DSCAM: variants seen among roughly 807,000 people sequenced by gnomAD.
DSCAM encodes the protein DS cell adhesion molecule, also known as cell adhesion molecule DSCAM.
In DSCAM, 47 loss-of-function variants were observed where a neutral mutation model predicts 217.7. The ratio of observed to expected loss-of-function variants is 0.22; its 90% CI spans 0.17 to 0.28. The LOEUF is 0.28. Ranked by LOEUF, DSCAM falls within the 10% of genes least tolerant of loss-of-function variation. DSCAM has a pLI of 1.00. For synonymous variants in DSCAM, 1,056 were observed against 1,015.3 expected (o/e 1.04, Z -0.76); for missense variants, 2,080 against 2,618.3 (o/e 0.79, Z 4.49).
intron 1 of DSCAM, among the ~76,000 whole-genome samples, chr21:40,822,318 CAAAAAAAAA>C (rs61569827): frequency 4.7e-4 from 27 of 57,848 alleles, no homozygotes; most frequent in South Asian, 1.1e-3. Flanking sequence ...GATCTTTTCT[CAAAAAAAAA>C]AAAAAAAAAA....
intron 3 of DSCAM, among the ~76,000 whole-genome samples, chr21:40,560,140 C>T (rs544427655): frequency 2.6e-5 from 4 of 152,262 alleles, no homozygotes; most frequent in South Asian, 2.1e-4. Flanking sequence ...TTCTCACCCA[C>T]GATTGCTCTT....
chr21:40,596,885 C>T (rs1018359), intron 3 of DSCAM, among the ~76,000 whole-genome samples: 56,313 of 151,786 alleles, frequency 0.37, 10,652 homozygotes, highest in East Asian at 0.55. Context: ...TATATATATG[C>T]TCATGTTCCT....
At chr21:40,076,453 G>T (rs1429660178) in intron 26 of DSCAM, among the ~76,000 whole-genome samples, 1 of 152,202 alleles carries the variant, frequency 6.6e-6, no homozygotes, top group Non-Finnish European at 1.5e-5. Context: ...TCTTCAGGCA[G>T]ATGTGACAAT....
intron 3 of DSCAM, among the ~76,000 whole-genome samples, chr21:40,606,286 G>A (rs2089237376): frequency 6.6e-6 from 1 of 152,146 alleles, no homozygotes; most frequent in African/African-American, 2.4e-5. Context: ...AGGGGGTGAT[G>A]GGGACATTGA....
rs1314733242 is a variant in DSCAM at position 40,653,977 on chromosome 21, C to T, written c.508+38833G>A. ...AGGCATTGTGGCGGGCACCTGTAAT[C>T]CCAGCTACTCGGGAGGCTAAGGGAG... On this transcript the variant is annotated intron_variant, in intron 3 of 32. Coordinates refer to ENST00000400454, the MANE Select transcript of DSCAM (RefSeq NM_001389.5). 2.6e-5 allele frequency among the ~76,000 whole-genome samples: 4 copies of T among 151,836 alleles called. No homozygotes were observed. The East Asian group carries it at 7.8e-4, about 29-fold the overall frequency.
intron 3 of DSCAM, among the ~76,000 whole-genome samples, chr21:40,418,850 A>G (rs1291375175): frequency 2.0e-5 from 3 of 152,250 alleles, no homozygotes; most frequent in Admixed American, 6.5e-5. Flanking sequence ...ACAAAAATTT[A>G]GAGAAAAAAA....
chr21:40,709,552 A>G (rs1053612177), intron 1 of DSCAM, among the ~76,000 whole-genome samples: 2 of 151,520 alleles, frequency 1.3e-5, no homozygotes, highest in Non-Finnish European at 2.9e-5. Flanking sequence ...ACGTGTTCTC[A>G]TTGTTCAACT....
intron 15 of DSCAM, among the ~76,000 whole-genome samples, chr21:40,175,807 ACG>A (rs1555886076): frequency 5.1e-4 from 45 of 88,228 alleles, no homozygotes; most frequent in South Asian, 6.9e-4. Context: ...ACACACACAC[ACG>A]CACACACACA....
chr21:40,809,060 C>A (rs1039176765), intron 1 of DSCAM, among the ~76,000 whole-genome samples: 3 of 152,072 alleles, frequency 2.0e-5, no homozygotes, highest in Non-Finnish European at 4.4e-5. Context: ...TTGGATTAGA[C>A]CCTTGTCCTG....
intron 3 of DSCAM, among the ~76,000 whole-genome samples, chr21:40,422,312 T>C (rs1474100711): frequency 1.3e-5 from 2 of 152,198 alleles, no homozygotes; most frequent in East Asian, 1.9e-4. Context: ...TTTAATTTTA[T>C]GTGCCTGGAT....
chr21:40,232,182 T>C (rs936325139), intron 11 of DSCAM, among the ~76,000 whole-genome samples: 1 of 152,236 alleles, frequency 6.6e-6, no homozygotes, highest in Non-Finnish European at 1.5e-5. Context: ...TCACTCATTA[T>C]GCACTAAGAT....
chr21:40,713,935 G>C (rs62223031), intron 1 of DSCAM, among the ~76,000 whole-genome samples: 3,406 of 152,314 alleles, frequency 0.022, 55 homozygotes, highest in African/African-American at 0.038. Context: ...GCTGCATTGT[G>C]ACAAAGTATT....
chr21:40,682,820 G>A (rs1300297014), intron 3 of DSCAM, among the ~76,000 whole-genome samples: 3 of 81,882 alleles, frequency 3.7e-5, no homozygotes, highest in African/African-American at 1.6e-4. Flanking sequence ...GAAGGGAAGG[G>A]AAGGGAAGGG....
At chr21:40,286,385 C>T (rs1342991051) in intron 10 of DSCAM, among the ~76,000 whole-genome samples, 1 of 152,084 alleles carries the variant, frequency 6.6e-6, no homozygotes, top group Non-Finnish European at 1.5e-5. Context: ...GACACTGAAC[C>T]TGGGGGCACT....
chr21:40,841,596 C>A (rs1487546584), intron 1 of DSCAM, among the ~76,000 whole-genome samples: 1 of 152,142 alleles, frequency 6.6e-6, no homozygotes, highest in Non-Finnish European at 1.5e-5. Flanking sequence ...GGTCCCGGAG[C>A]CTTGCCTGCG....
At chr21:40,788,382 T>G (rs933170419) in intron 1 of DSCAM, among the ~76,000 whole-genome samples, 8 of 152,222 alleles carry the variant, frequency 5.3e-5, no homozygotes, top group African/African-American at 1.9e-4. Context: ...TGTGTTAAAG[T>G]GTAACTTTTT....
chr21:40,163,224 T>C (rs905567896), intron 16 of DSCAM, among the ~76,000 whole-genome samples: 1 of 152,114 alleles, frequency 6.6e-6, no homozygotes, highest in African/African-American at 2.4e-5. Flanking sequence ...AGAGACACTT[T>C]AGGAGATAAA....
chr21:40,196,990 T>C (rs780822319), intron 11 of DSCAM, among the ~76,000 whole-genome samples: 5 of 152,238 alleles, frequency 3.3e-5, no homozygotes, highest in Non-Finnish European at 7.3e-5. Context: ...TCTATGCAGA[T>C]GGTCAAATAG....
At chr21:40,532,563 T>C (rs775434773) in intron 3 of DSCAM, among the ~76,000 whole-genome samples, 1 of 152,108 alleles carries the variant, frequency 6.6e-6, no homozygotes, top group African/African-American at 2.4e-5. Flanking sequence ...ATGATTTATA[T>C]GTAGTGTTCA....
Sources: gnomAD v4.1 joint callset for allele counts (sites outside exome capture counted in the v4.1 genomes callset) on GRCh38, gnomAD v4.1.1 for gene constraint, MANE v1.5 for transcripts, NCBI Gene and HGNC (gene_info 2026-07-23, HGNC 2026-07-21) for gene names.